DDX10: variants seen among roughly 807,000 people sequenced by gnomAD.
The protein encoded by DDX10 is probable ATP-dependent RNA helicase DDX10.
Under a neutral mutation model 104.3 loss-of-function variants are expected in DDX10, and 74 were observed. The ratio of observed to expected loss-of-function variants is 0.71; its 90% confidence interval spans 0.59 to 0.86. DDX10 has a LOEUF of 0.86. Among genes scored for constraint, DDX10 ranks in the 40% least tolerant of loss-of-function variants. The probability of loss-of-function intolerance (pLI) is 0.00; values close to 1 mark genes in which losing one functional copy is unlikely to be tolerated. For missense variants in DDX10, 952 were observed against 1,040.0 expected (o/e 0.92, Z 1.16); for synonymous variants, 351 against 353.4 (o/e 0.99, Z 0.08).
At chr11:108,882,999 G>T (rs1013484471) in intron 16 of DDX10, among the ~76,000 whole-genome samples, 1 of 152,052 alleles carries the variant, frequency 6.6e-6, no homozygotes, top group African/African-American at 2.4e-5. Context: ...TTCAAATAAT[G>T]ATTATCATTA....
rs374345857 is a variant in DDX10 at position 108,940,364 on chromosome 11, G to A, written c.2569G>A (p.Gly857Ser). 6.9e-5 allele frequency: 112 copies of A among 1,613,964 alleles called. No homozygotes were observed. The highest frequency in any genetic ancestry group is 6.9e-4 in the African/African-American group (52 of 74,986). ...RWDTLEPLDT[G>S]LSLAEDEELV... Reference sequence around the variant, plus strand: ...GGACACTTTAGAGCCTTTGGATACCGGCCTGTCTTTAGCAGAGGATGAAGA... The same window carrying A: ...GGACACTTTAGAGCCTTTGGATACCAGCCTGTCTTTAGCAGAGGATGAAGA... Residue 857 changes from glycine (G) to serine (S), a missense_variant, in exon 18 of 18, where the codon GGC (glycine) becomes AGC (serine). Gly to Ser is a moderately conservative substitution (Grantham distance 56). Transcript: ENST00000322536.
chr11:108,676,939 A>G (rs1181887841), intron 3 of DDX10, 146 bp from the exon 4 acceptor site: 1 of 662,688 alleles, frequency 1.5e-6, no homozygotes, highest in Non-Finnish European at 2.5e-6. Flanking sequence ...AAGATAAACA[A>G]AATCATTTAC....
rs185903057 is a variant in DDX10 at position 108,899,982 on chromosome 11, A to G, written c.2305-17891A>G. Among the ~76,000 whole-genome samples the G allele has an allele frequency of 1.6e-3, 236 of 152,204 alleles. 1 individual carries two copies. The highest frequency in any genetic ancestry group is 3.4e-3 in the Middle Eastern group (1 of 294). ...CAAAAAATTAGCTGGGCATGGTGGC[A>G]CATGCCTGTAATCCCAGCTACTTGG... On this transcript the variant is annotated intron_variant, in intron 16 of 17. Transcript: ENST00000322536.
intron 16 of DDX10, among the ~76,000 whole-genome samples, chr11:108,905,247 T>TA (rs1863576334): frequency 7.0e-6 from 1 of 143,572 alleles, no homozygotes; most frequent in African/African-American, 2.5e-5. Flanking sequence ...TTTAGAGTTT[T>TA]AAAAAAATTT....
intron 13 of DDX10, among the ~76,000 whole-genome samples, chr11:108,801,107 T>C (rs1209537362): frequency 6.6e-6 from 1 of 152,132 alleles, no homozygotes; most frequent in Non-Finnish European, 1.5e-5. Context: ...GGCCCTGTAG[T>C]TAGAATGTGT....
intron 9 of DDX10, among the ~76,000 whole-genome samples, chr11:108,702,465 T>G (rs1395118747): frequency 1.3e-5 from 2 of 152,078 alleles, no homozygotes; most frequent in Admixed American, 1.3e-4. Flanking sequence ...GGTAGGACAA[T>G]AGTGGGAAGG....
chr11:108,669,522 T>A (rs998201504), intron 1 of DDX10, among the ~76,000 whole-genome samples: 2 of 152,194 alleles, frequency 1.3e-5, no homozygotes, highest in Non-Finnish European at 2.9e-5. Context: ...GAAATGCTCC[T>A]TGGAGTGTTG....
Position 108,679,401 on chromosome 11 carries a change from T to C in DDX10, c.689T>C (p.Met230Thr), listed in dbSNP as rs759751528. 3.7e-6 allele frequency: 6 copies of C among 1,602,308 alleles called. No homozygotes were observed. In the Admixed American group the frequency reaches 5.3e-5, roughly 14 times the overall value. ...GATGAAGCAGATAGAATCTTGGATATGGGCTTTGCTGATACCATGAATGCT... is the reference window on the plus strand; with the variant it reads ...GATGAAGCAGATAGAATCTTGGATACGGGCTTTGCTGATACCATGAATGCT... ...VLDEADRILD[M>T]GFADTMNAVI... is the part of the protein sequence containing the mutation. Residue 230 changes from methionine to threonine, a missense_variant, in exon 6 of 18, where the codon ATG becomes ACG. This residue lies in a region of DDX10 where 412 missense variants were observed against 479.2 expected (regional missense o/e 0.86). Coordinates refer to ENST00000322536, the MANE Select transcript of DDX10 (RefSeq NM_004398.4).
chr11:108,681,963 C>T (rs2094235884), intron 6 of DDX10, among the ~76,000 whole-genome samples: 1 of 151,412 alleles, frequency 6.6e-6, no homozygotes, highest in Non-Finnish European at 1.5e-5. Context: ...GGTTTTTTTG[C>T]CTTTTTCTTA....
intron 13 of DDX10, among the ~76,000 whole-genome samples, chr11:108,782,630 G>A (rs1205537342): frequency 1.3e-5 from 2 of 151,942 alleles, no homozygotes; most frequent in African/African-American, 4.8e-5. Flanking sequence ...TTACTCACAG[G>A]TACTATCATA....
At chr11:108,777,522 C>T (rs1391892577) in intron 13 of DDX10, among the ~76,000 whole-genome samples, 1 of 152,020 alleles carries the variant, frequency 6.6e-6, no homozygotes, top group Non-Finnish European at 1.5e-5. Context: ...GGGGTTTCAC[C>T]ATGTTGGCCA....
intron 6 of DDX10, among the ~76,000 whole-genome samples, chr11:108,686,831 C>T (rs1395697581): frequency 6.6e-6 from 1 of 152,188 alleles, no homozygotes; most frequent in Non-Finnish European, 1.5e-5. Context: ...GTCGCCCAGG[C>T]TGGAGTGCAG....
intron 13 of DDX10, among the ~76,000 whole-genome samples, chr11:108,773,485 C>CT (rs2094365958): frequency 6.6e-6 from 1 of 152,106 alleles, no homozygotes; most frequent in Non-Finnish European, 1.5e-5. Context: ...ATTCTTCTAC[C>CT]AAATGATGTC....
At chr11:108,761,753 A>T (rs2134516312) in intron 13 of DDX10, among the ~76,000 whole-genome samples, 1 of 152,216 alleles carries the variant, frequency 6.6e-6, no homozygotes, top group African/African-American at 2.4e-5. Context: ...CATTTGGGTC[A>T]CCAGAGAAAG....
chr11:108,760,442 A>T (rs1377976849), intron 13 of DDX10, among the ~76,000 whole-genome samples: 1 of 152,046 alleles, frequency 6.6e-6, no homozygotes, highest in Non-Finnish European at 1.5e-5. Flanking sequence ...TATGTTTACA[A>T]AACCCAAACC....
chr11:108,736,190 T>A (rs1383801391), intron 13 of DDX10, among the ~76,000 whole-genome samples: 1 of 151,928 alleles, frequency 6.6e-6, no homozygotes, highest in Non-Finnish European at 1.5e-5. Flanking sequence ...TGCTTCTTCC[T>A]TTGTCTCCCT....
chr11:108,903,286 A>AGT (rs1565313929), intron 16 of DDX10, among the ~76,000 whole-genome samples: 1 of 152,148 alleles, frequency 6.6e-6, no homozygotes, highest in African/African-American at 2.4e-5. Context: ...TATTCTAGAC[A>AGT]TTCCATATAA....
chr11:108,749,202 A>AT (rs2094335479), intron 13 of DDX10, among the ~76,000 whole-genome samples: 1 of 151,998 alleles, frequency 6.6e-6, no homozygotes, highest in South Asian at 2.1e-4. Flanking sequence ...GCCTGGCCGT[A>AT]TGTCTAGATT....
chr11:108,853,030 T>C (rs1382056312), intron 16 of DDX10, among the ~76,000 whole-genome samples: 3 of 152,314 alleles, frequency 2.0e-5, no homozygotes, highest in East Asian at 1.9e-4. Context: ...AAGTCAGAGA[T>C]GATAACTCAT....
Sources: gnomAD v4.1 joint callset for allele counts (sites outside exome capture counted in the v4.1 genomes callset) on GRCh38, gnomAD v4.1.1 for gene constraint, gnomAD v4.1.1 regional missense constraint, MANE v1.5 for transcripts, NCBI Gene and HGNC (gene_info 2026-07-23, HGNC 2026-07-21) for gene names.